ORC5: variants seen among roughly 807,000 people sequenced by gnomAD.
ORC5 encodes origin recognition complex subunit 5.
ORC5 carries 39 observed loss-of-function variants against 58.8 expected under a neutral mutation model. The observed-to-expected ratio is 0.66, with a 90% CI of 0.51 to 0.87. ORC5 has a LOEUF of 0.87. ORC5 is among the 40% of genes least tolerant of loss of function. The probability of loss-of-function intolerance (pLI) is 0.00; values close to 1 mark genes in which losing one functional copy is unlikely to be tolerated. For missense variants in ORC5, 493 were observed against 506.3 expected, an observed-to-expected ratio of 0.97 and a Z score of 0.25; for synonymous variants, 218 against 177.6, an observed-to-expected ratio of 1.23 and a Z score of -1.81.
At chr7:104,204,915 A>G (rs1158677712) in intron 1 of ORC5, among the ~76,000 whole-genome samples, 1 of 152,180 alleles carries the variant, frequency 6.6e-6, no homozygotes, top group Admixed American at 6.6e-5. Context: ...TACTACAAAT[A>G]CTTGTACTTC....
At chr7:104,150,534 A>C (rs907556510) in intron 12 of ORC5, among the ~76,000 whole-genome samples, 1 of 147,274 alleles carries the variant, frequency 6.8e-6, no homozygotes, top group African/African-American at 2.7e-5. Context: ...CACTACCATA[A>C]ATTTTCATTT....
intron 13 of ORC5, among the ~76,000 whole-genome samples, chr7:104,135,709 T>A (rs531964267): frequency 6.6e-6 from 1 of 152,338 alleles, no homozygotes; most frequent in South Asian, 2.1e-4. Context: ...GTAAAATTAA[T>A]CATCAGAGGA....
At chr7:104,173,838 A>ATTTTTTT (rs746698932) in intron 8 of ORC5, among the ~76,000 whole-genome samples, 20 of 122,766 alleles carry the variant, frequency 1.6e-4, no homozygotes, top group South Asian at 2.8e-4. Context: ...TGGGTTTAAA[A>ATTTTTTT]TTTTTTCTTT....
At chr7:104,166,932 G>T (rs2115873427) in intron 9 of ORC5, 48 bp from the exon 10 acceptor site, 1 of 1,036,788 alleles carries the variant, frequency 9.6e-7, no homozygotes, top group Non-Finnish European at 1.5e-6. Context: ...CTAACATTGG[G>T]TTTTAAGTAT....
intron 8 of ORC5, 78 bp downstream of exon 8, chr7:104,183,864 TC>T: frequency 2.1e-6 from 2 of 949,482 alleles, no homozygotes; most frequent in Non-Finnish European, 1.6e-6. Flanking sequence ...AGAGTCCCTC[TC>T]TCTGTTATTT....
intron 12 of ORC5, among the ~76,000 whole-genome samples, chr7:104,159,641 C>T (rs189803017): frequency 6.0e-4 from 91 of 151,894 alleles, no homozygotes; most frequent in African/African-American, 2.1e-3. Context: ...AATTTGTGGG[C>T]ACCTGAGAAG....
intron 12 of ORC5, among the ~76,000 whole-genome samples, chr7:104,150,022 G>C (rs554325509): frequency 2.0e-5 from 3 of 151,988 alleles, no homozygotes; most frequent in Admixed American, 2.0e-4. Flanking sequence ...TATTTATGTT[G>C]TAACAATAGG....
intron 10 of ORC5, 190 bp from the exon 11 acceptor site, chr7:104,165,472 G>A: frequency 2.7e-5 from 11 of 408,054 alleles, no homozygotes; most frequent in East Asian, 4.2e-5. Context: ...GTTTAGACTT[G>A]GATTGGATAT....
chr7:104,197,593 T>G, intron 4 of ORC5, 132 bp downstream of exon 4: 1 of 579,072 alleles, frequency 1.7e-6, no homozygotes, highest in Non-Finnish European at 3.0e-6. Flanking sequence ...TGAGCTTTAC[T>G]GATAAAAGAA....
chr7:104,161,695 T>C (rs1799026794), intron 11 of ORC5, among the ~76,000 whole-genome samples: 1 of 152,138 alleles, frequency 6.6e-6, no homozygotes, highest in African/African-American at 2.4e-5. Flanking sequence ...TACCCAGCCA[T>C]GATTTATCTT....
At chr7:104,170,165 T>G (rs553653565) in intron 8 of ORC5, among the ~76,000 whole-genome samples, 15 of 152,324 alleles carry the variant, frequency 9.8e-5, no homozygotes, top group African/African-American at 3.4e-4. Context: ...TTCACTGACT[T>G]TCCTTTGTAA....
In ORC5 at chr7:104,126,711, T is replaced by C. The variant is rs1336469533; in HGVS notation, c.*137A>G. ...GACCAATCAGAATATTTTCATCAGA[T>C]TCCATGCTGGGCCAGCACCTGTTTG... On this transcript the variant is annotated 3_prime_UTR_variant, in exon 14 of 14. Transcript: ENST00000297431. 3.3e-6 allele frequency: 2 copies of C among 613,870 alleles called. No homozygotes were observed. Among genetic ancestry groups the C allele is most frequent in the East Asian group, 2.9e-5 (1 of 34,662 alleles). 38.0% of individuals were successfully genotyped at this position (613,870 alleles called of 1,614,324 possible).
intron 5 of ORC5, among the ~76,000 whole-genome samples, chr7:104,191,119 GAAAA>G (rs749674288): frequency 2.5e-5 from 2 of 78,892 alleles, no homozygotes; most frequent in African/African-American, 4.4e-5. Context: ...CAAAACTGCT[GAAAA>G]AAAAAAAAAA....
intron 6 of ORC5, among the ~76,000 whole-genome samples, chr7:104,184,646 T>C (rs1415693897): frequency 6.6e-6 from 1 of 151,936 alleles, no homozygotes; most frequent in Non-Finnish European, 1.5e-5. Flanking sequence ...TATTTTGATA[T>C]GGCTAATCAG....
rs149657315 is a variant in ORC5, at chr7:104,200,951, T to C, written c.173A>G (p.His58Arg). The C allele has an allele frequency of 1.2e-5, 19 of 1,612,112 alleles. No individual in the cohort carries two copies. Among genetic ancestry groups the C allele is most frequent in the Non-Finnish European group, 1.6e-5 (19 of 1,178,962 alleles). The change falls in exon 3 of 14, where the codon CAT becomes CGT. Residue 58 changes from histidine (H) to arginine (R), a missense_variant. By Grantham distance (29) the His-to-Arg change is conservative. Transcript: ENST00000297431. ...GCATTCAACACAATTCACAAACACA[T>C]GTGGGAGCTGAAAACGAAAACCAAA... ...QTLLKTLELP[H>R]VFVNCVECFT...
At chr7:104,132,525 G>T (rs1383447134) in intron 13 of ORC5, among the ~76,000 whole-genome samples, 3 of 152,050 alleles carry the variant, frequency 2.0e-5, no homozygotes, top group Non-Finnish European at 2.9e-5. Context: ...CCTTGATTTG[G>T]AATGAGACTG....
intron 13 of ORC5, among the ~76,000 whole-genome samples, chr7:104,130,982 G>A (rs183875950): frequency 6.6e-6 from 1 of 152,272 alleles, no homozygotes; most frequent in East Asian, 1.9e-4. Flanking sequence ...ACCCCAGTAC[G>A]ATGTGATTTC....
intron 12 of ORC5, among the ~76,000 whole-genome samples, chr7:104,140,351 T>C (rs184739857): frequency 8.5e-5 from 13 of 152,328 alleles, no homozygotes; most frequent in Non-Finnish European, 1.6e-4. Context: ...CATTCCTTTC[T>C]TACCTTTTGT....
At chr7:104,173,237 G>A (rs1799249538) in intron 8 of ORC5, among the ~76,000 whole-genome samples, 1 of 152,222 alleles carries the variant, frequency 6.6e-6, no homozygotes, top group African/African-American at 2.4e-5. Flanking sequence ...CACCTTTGTT[G>A]TTGATCCTTG....
Sources: gnomAD v4.1 joint callset for allele counts (sites outside exome capture counted in the v4.1 genomes callset) on GRCh38, gnomAD v4.1.1 for gene constraint, MANE v1.5 for transcripts, NCBI Gene and HGNC (gene_info 2026-07-23, HGNC 2026-07-21) for gene names.